MCPH1: variants seen among roughly 807,000 people sequenced by gnomAD.
The protein encoded by MCPH1 is microcephalin.
Under a neutral mutation model 84.5 loss-of-function variants are expected in MCPH1, and 104 were observed. That is an observed-to-expected ratio of 1.23 (90% CI 1.05 to 1.45). The LOEUF (loss-of-function observed/expected upper bound fraction) is 1.45. Among genes scored for constraint, MCPH1 ranks in the 40% most tolerant of loss-of-function variants. The probability of loss-of-function intolerance (pLI) is 0.00; values close to 1 mark genes in which losing one functional copy is unlikely to be tolerated. For missense variants in MCPH1, 1,498 were observed against 1,005.7 expected (o/e 1.49, Z -6.62); for synonymous variants, 514 against 366.8 (o/e 1.40, Z -4.58).
intron 11 of MCPH1, among the ~76,000 whole-genome samples, chr8:6,486,858 A>G (rs1024043208): frequency 6.6e-6 from 1 of 152,236 alleles, no homozygotes; most frequent in Non-Finnish European, 1.5e-5. Context: ...GTTCAAGCAT[A>G]GCACAATTTG....
At chr8:6,432,841 T>C (rs1337911847) in intron 4 of MCPH1, among the ~76,000 whole-genome samples, 4 of 152,258 alleles carry the variant, frequency 2.6e-5, no homozygotes, top group East Asian at 3.8e-4. Flanking sequence ...TGTGACATGC[T>C]AAAATCAAGT....
chr8:6,640,943 G>C (rs1442907900), intron 13 of MCPH1, among the ~76,000 whole-genome samples: 2 of 152,130 alleles, frequency 1.3e-5, no homozygotes, highest in Admixed American at 6.5e-5. Context: ...CACATGGTAT[G>C]GGTGTGTTTC....
intron 12 of MCPH1, among the ~76,000 whole-genome samples, chr8:6,564,217 C>T (rs1028445801): frequency 1.3e-5 from 2 of 152,096 alleles, no homozygotes. Flanking sequence ...ACCTTGTGAT[C>T]GACTCGCCTT....
rs1550696 is a variant in MCPH1 at position 6,409,436 on chromosome 8, A to G, written c.114+66A>G. The G allele has an allele frequency of 0.059, 77,636 of 1,323,992 alleles. 6,338 individuals are homozygous for G. The highest frequency in any genetic ancestry group is 0.28 in the African/African-American group (19,538 of 68,960). 82.0% of individuals were successfully genotyped at this position (1,323,992 alleles called of 1,614,324 possible). ...CTGATTGGTAAAAAGTTACATTTGC[A>G]TTTTCTTATTTTGGGAGTTTTTACT... On this transcript the variant is annotated intron_variant, in intron 2 of 13. Transcript: ENST00000344683.
At chr8:6,442,407 A>C (rs1007007364) in intron 7 of MCPH1, among the ~76,000 whole-genome samples, 1 of 152,206 alleles carries the variant, frequency 6.6e-6, no homozygotes, top group Non-Finnish European at 1.5e-5. Flanking sequence ...CTATTTAAAA[A>C]ATTATTGTGA....
chr8:6,479,519 C>T (rs1043564120), intron 10 of MCPH1, among the ~76,000 whole-genome samples: 1 of 151,796 alleles, frequency 6.6e-6, no homozygotes, highest in Non-Finnish European at 1.5e-5. Context: ...ACTGCAAGCT[C>T]CACCTCCCGG....
At chr8:6,546,043 G>A (rs60625360) in intron 12 of MCPH1, among the ~76,000 whole-genome samples, 4 of 152,150 alleles carry the variant, frequency 2.6e-5, no homozygotes, top group Non-Finnish European at 2.9e-5. Context: ...AAACACACCC[G>A]GTGTGAGTCC....
intron 9 of MCPH1, among the ~76,000 whole-genome samples, chr8:6,468,682 T>A (rs1213254827): frequency 2.1e-5 from 3 of 140,306 alleles, no homozygotes; most frequent in Non-Finnish European, 4.6e-5. Context: ...TTAGAAAAAA[T>A]ATTTATCCAA....
intron 12 of MCPH1, among the ~76,000 whole-genome samples, chr8:6,569,809 A>G (rs762631042): frequency 3.3e-5 from 5 of 152,364 alleles, no homozygotes; most frequent in Admixed American, 6.5e-5. Context: ...ACCTCTGTGC[A>G]GCACAAACAC....
intron 12 of MCPH1, among the ~76,000 whole-genome samples, chr8:6,538,541 G>A (rs966112141): frequency 6.6e-6 from 1 of 152,118 alleles, no homozygotes; most frequent in Non-Finnish European, 1.5e-5. Flanking sequence ...CTCAGACCTG[G>A]GCGCGCACTG....
chr8:6,567,137 C>T (rs866238248), intron 12 of MCPH1, among the ~76,000 whole-genome samples: 34 of 128,038 alleles, frequency 2.7e-4, no homozygotes, highest in Middle Eastern at 5.1e-3. Flanking sequence ...CGTGTGTGAT[C>T]GGCAAGGCCA....
rs773915060 is a variant in MCPH1 at position 6,406,658 on chromosome 8, G to A, written c.-10G>A. ...CGCGTAGGCCAGCTGGCCGGATCCC[G>A]CCGTCTGTCATGGCGGCCCCCATCC... On this transcript the variant is annotated 5_prime_UTR_variant, in exon 1 of 14. Transcript: ENST00000344683. The A allele has an allele frequency of 1.2e-6, 2 of 1,611,914 alleles. No individual in the cohort carries two copies. The highest frequency in any genetic ancestry group is 1.7e-5 in the Admixed American group (1 of 59,932).
Position 6,505,600 on chromosome 8 carries a change from A to G in MCPH1, c.2214+5671A>G, listed in dbSNP as rs191193319. Among the ~76,000 whole-genome samples, 1,012 of 126,326 alleles carry G rather than the reference A, an allele frequency of 8.0e-3. 21 individuals are homozygous for G. Among genetic ancestry groups the G allele is most frequent in the African/African-American group, 0.028 (952 of 33,788 alleles). 82.9% of individuals were successfully genotyped at this position (126,326 alleles called of 152,430 possible). ...TGTATATTCTTTTTGTATATATGGA[A>G]TATATATATTCTTTATATATTTATA... On this transcript the variant is annotated intron_variant, in intron 12 of 13. Coordinates refer to ENST00000344683, the MANE Select transcript of MCPH1 (RefSeq NM_024596.5).
chr8:6,638,000 T>C (rs1181104176), intron 13 of MCPH1, among the ~76,000 whole-genome samples: 2 of 152,182 alleles, frequency 1.3e-5, no homozygotes, highest in Non-Finnish European at 2.9e-5. Context: ...GAATGAGGCA[T>C]CTAGAAGCCA....
At chr8:6,544,879 C>G (rs577799341) in intron 12 of MCPH1, among the ~76,000 whole-genome samples, 1 of 152,216 alleles carries the variant, frequency 6.6e-6, no homozygotes, top group East Asian at 1.9e-4. Flanking sequence ...TCAGATTGAA[C>G]CTGCTAACAT....
rs549722524 is a variant in MCPH1 at position 6,497,279 on chromosome 8, G to T, written c.2137-2573G>T. ...GTGGATCACTTGAGGTCATGAGTTC[G>T]TGACCAGCCTGACCAACACTGTGAA... On this transcript the variant is annotated intron_variant, in intron 11 of 13. Coordinates refer to ENST00000344683, the MANE Select transcript of MCPH1 (RefSeq NM_024596.5). Among the ~76,000 whole-genome samples, 6 of 151,204 alleles carry T rather than the reference G, an allele frequency of 4.0e-5. No homozygotes were observed. In the South Asian group the frequency reaches 8.3e-4, roughly 21 times the overall value.
intron 13 of MCPH1, among the ~76,000 whole-genome samples, chr8:6,623,500 A>G (rs1831705015): frequency 6.6e-6 from 1 of 151,974 alleles, no homozygotes; most frequent in Non-Finnish European, 1.5e-5. Context: ...TCTGCTCAAC[A>G]TTATCCCTTA....
At chr8:6,560,032 C>A (rs1207380388) in intron 12 of MCPH1, among the ~76,000 whole-genome samples, 1 of 152,160 alleles carries the variant, frequency 6.6e-6, no homozygotes, top group African/African-American at 2.4e-5. Flanking sequence ...GTCTAAGCTC[C>A]CTAGGCTATG....
At chr8:6,573,911 G>A (rs1427819472) in intron 12 of MCPH1, among the ~76,000 whole-genome samples, 1 of 152,192 alleles carries the variant, frequency 6.6e-6, no homozygotes, top group East Asian at 1.9e-4. Context: ...TTCTAAGGTG[G>A]TCCCAGGCTG....
Sources: allele counts gnomAD v4.1 joint callset (sites outside exome capture counted in the v4.1 genomes callset), GRCh38; gene constraint gnomAD v4.1.1; transcripts MANE v1.5; gene names NCBI Gene and HGNC (gene_info 2026-07-23, HGNC 2026-07-21).